The following CAND1 variants were observed in gnomAD, a reference collection of about 807,000 sequenced individuals.
CAND1 encodes the protein cullin-associated NEDD8-dissociated protein 1.
A neutral mutation model predicts 108.5 loss-of-function variants in CAND1; 7 were observed. The observed-to-expected ratio is 0.06, with a 90% confidence interval of 0.04 to 0.12. CAND1 has a LOEUF of 0.12. Among genes scored for constraint, CAND1 ranks in the 10% least tolerant of loss-of-function variants. CAND1 has a pLI of 1.00. For synonymous variants in CAND1, 534 were observed against 512.0 expected (o/e 1.04, Z -0.58); for missense variants, 941 against 1,448.7 (o/e 0.65, Z 5.69).
chr12:67,289,238 G>T (rs777795927), intron 2 of CAND1, among the ~76,000 whole-genome samples: 1 of 151,552 alleles, frequency 6.6e-6, no homozygotes, highest in Non-Finnish European at 1.5e-5. Context: ...ATTTGTTTGA[G>T]ATGGAGTTTT....
chr12:67,303,367 C>A (rs898448122), intron 8 of CAND1, among the ~76,000 whole-genome samples: 1 of 152,004 alleles, frequency 6.6e-6, no homozygotes, highest in Non-Finnish European at 1.5e-5. Context: ...TTAAGTAGTA[C>A]AAATAAATAC....
At chr12:67,272,917 G>A (rs1181418591) in intron 1 of CAND1, among the ~76,000 whole-genome samples, 2 of 151,998 alleles carry the variant, frequency 1.3e-5, no homozygotes, top group African/African-American at 2.4e-5. Context: ...GCATGGTCTC[G>A]ATCTTCTAAC....
intron 1 of CAND1, among the ~76,000 whole-genome samples, chr12:67,278,230 G>A (rs979349996): frequency 2.0e-5 from 3 of 152,016 alleles, no homozygotes; most frequent in Non-Finnish European, 2.9e-5. Flanking sequence ...TCCACTGCCC[G>A]GCTTCAAGCG....
At position 67,295,030 on chromosome 12, in the gene CAND1, C is replaced by T. The variant is rs1371833861; in HGVS notation, c.368-3C>T. On this transcript the variant is annotated splice_region_variant and splice_polypyrimidine_tract_variant and intron_variant, in intron 3 of 14. Coordinates refer to ENST00000545606, the MANE Select transcript of CAND1 (RefSeq NM_018448.5). ...AATTATTATTGGCTTCTTATTCATGCAGGCTCTGCATTAGCTGCTAATGTA... is the reference window on the plus strand; with the variant it reads ...AATTATTATTGGCTTCTTATTCATGTAGGCTCTGCATTAGCTGCTAATGTA... The T allele has an allele frequency of 6.2e-7, 1 of 1,607,912 alleles. No individual in the cohort carries two copies. The highest frequency in any genetic ancestry group is 1.7e-5 in the Admixed American group (1 of 59,282).
At chr12:67,302,831 T>A (rs578135974) in intron 8 of CAND1, among the ~76,000 whole-genome samples, 1 of 152,346 alleles carries the variant, frequency 6.6e-6, no homozygotes, top group Non-Finnish European at 1.5e-5. Flanking sequence ...TTAAATAATT[T>A]TAAGATTCAG....
chr12:67,285,360 A>G (rs1336710232), intron 2 of CAND1, among the ~76,000 whole-genome samples: 1 of 152,222 alleles, frequency 6.6e-6, no homozygotes, highest in Non-Finnish European at 1.5e-5. Context: ...TCTTCAGGTT[A>G]CTTTTATGCT....
chr12:67,305,475 A>C lies in CAND1; in HGVS notation c.1807A>C (p.Asn603His). ...MGQIICNLGD[N>H]LGSDLPNTLQ... ...ACAAATTATTTGCAACCTTGGAGAC[A>C]ATTTGGGTTCTGACTTGCCTAATAC... Residue 603 changes from asparagine to histidine, a missense_variant, in exon 10 of 15, where the codon AAT becomes CAT. Physicochemically the swap from Asn to His is moderately conservative, Grantham distance 68. Coordinates refer to ENST00000545606, the MANE Select transcript of CAND1 (RefSeq NM_018448.5). This position sits in a 1 kb window ranked among gnomAD's most constrained non-coding sequence, Gnocchi z 4.4. 6.2e-7 allele frequency: 1 copy of C among 1,613,742 alleles called. No homozygotes were observed. Among genetic ancestry groups the C allele is most frequent in the South Asian group, 1.1e-5 (1 of 91,078 alleles).
In CAND1 at chr12:67,312,810, G is replaced by A. The variant is rs1255063244; in HGVS notation, c.3673G>A (p.Glu1225Lys). ...GAAAGATTCATCATCTACTAACTTG[G>A]AATCAATGGACACTAGTTAGATGTT... ...IQKDSSSTNLESMDTS is the reference protein window; with the variant it reads ...IQKDSSSTNLKSMDTS The change falls in exon 15 of 15, where the codon GAA becomes AAA. Residue 1225 changes from glutamate to lysine, a missense_variant. This residue lies in a region of CAND1 where 39 missense variants were observed against 51.3 expected (regional missense o/e 0.76). Coordinates refer to ENST00000545606, the MANE Select transcript of CAND1 (RefSeq NM_018448.5). 1 of 1,610,180 alleles carries A rather than the reference G, an allele frequency of 6.2e-7. No individual in the cohort carries two copies. The highest frequency in any genetic ancestry group is 8.5e-7 in the Non-Finnish European group (1 of 1,177,302).
At chr12:67,281,854 CTT>C in intron 1 of CAND1, 54 bp from the exon 2 acceptor site, 1 of 1,270,308 alleles carries the variant, frequency 7.9e-7, no homozygotes, top group African/African-American at 1.5e-5. Flanking sequence ...AAATCATTAT[CTT>C]TTTAAATTAA....
Position 67,319,228 on chromosome 12 carries a change from A to C in CAND1, c.*6398A>C, listed in dbSNP as rs1235738381. 6.6e-6 allele frequency: 1 copy of C among 152,178 alleles called. No homozygotes were observed. Among genetic ancestry groups the C allele is most frequent in the Non-Finnish European group, 1.5e-5 (1 of 68,052 alleles). 9.4% of individuals were successfully genotyped at this position (152,178 alleles called of 1,614,324 possible). A position where few individuals can be genotyped will look rare whatever the true frequency, so the allele number is the denominator to read the frequency against. On this transcript the variant is annotated 3_prime_UTR_variant, in exon 15 of 15. Transcript: ENST00000545606. ...TCACTGTCTCTCTTTTGCCCATAGG[A>C]TAAGTACAAACTAGATCTGGTTACT...
At chr12:67,289,751 C>T (rs1393152841) in intron 2 of CAND1, among the ~76,000 whole-genome samples, 1 of 152,142 alleles carries the variant, frequency 6.6e-6, no homozygotes, top group African/African-American at 2.4e-5. Flanking sequence ...ATTTTATATT[C>T]GGTCTCTCCA....
intron 2 of CAND1, among the ~76,000 whole-genome samples, chr12:67,284,932 AAGTT>A (rs1177561357): frequency 1.3e-5 from 2 of 152,230 alleles, no homozygotes; most frequent in East Asian, 3.8e-4. Flanking sequence ...GGTAGGAAGA[AAGTT>A]AGAGGCATAA....
Position 67,306,179 on chromosome 12 carries a change from A to G in CAND1, c.2511A>G (p.Leu837=), listed in dbSNP as rs750797714. ...GGTCTACAGATTCCATTCGTCTCTT[A>G]GCTCTACTTTCTCTTGGAGAAGTTG... is the stretch of plus-strand genomic sequence containing the variant. ...NSRSTDSIRL[L]ALLSLGEVGH... The change falls in exon 10 of 15, where the codon TTA becomes TTG. Residue 837 remains leucine (L), a synonymous_variant. Transcript: ENST00000545606. 1.9e-6 allele frequency: 3 copies of G among 1,614,122 alleles called. No homozygotes were observed. Among genetic ancestry groups the G allele is most frequent in the Non-Finnish European group, 1.7e-6 (2 of 1,179,992 alleles).
intron 7 of CAND1, among the ~76,000 whole-genome samples, chr12:67,302,086 G>T (rs908290906): frequency 6.6e-6 from 1 of 152,084 alleles, no homozygotes; most frequent in African/African-American, 2.4e-5. Context: ...ATGAGAAAAT[G>T]TTTAACTAAT....
intron 1 of CAND1, among the ~76,000 whole-genome samples, chr12:67,280,488 T>C (rs1026473819): frequency 3.3e-5 from 5 of 152,228 alleles, no homozygotes; most frequent in African/African-American, 1.2e-4. Flanking sequence ...TTCTCTGTAG[T>C]GTACAAAATA....
In CAND1 at chr12:67,306,210, C is replaced by T. The variant is rs886954200; in HGVS notation, c.2542C>T (p.His848Tyr). ...ALLSLGEVGHHIDLSGQLELK... is the reference protein window; with the variant it reads ...ALLSLGEVGHYIDLSGQLELK... ...ACTTTCTCTTGGAGAAGTTGGGCATCATATTGACTTAAGTGGACAGTTGGA... is the reference window on the plus strand; with the variant it reads ...ACTTTCTCTTGGAGAAGTTGGGCATTATATTGACTTAAGTGGACAGTTGGA... The change falls in exon 10 of 15, where the codon CAT becomes TAT. Residue 848 changes from histidine to tyrosine, a missense_variant. His to Tyr is a moderately conservative substitution (Grantham distance 83). Transcript: ENST00000545606. 3 of 1,614,150 alleles carry T rather than the reference C, an allele frequency of 1.9e-6. No homozygotes were observed. Among genetic ancestry groups the T allele is most frequent in the Admixed American group, 3.3e-5 (2 of 60,024 alleles).
intron 2 of CAND1, among the ~76,000 whole-genome samples, chr12:67,284,076 A>G (rs1592607550): frequency 6.6e-6 from 1 of 152,162 alleles, no homozygotes; most frequent in South Asian, 2.1e-4. Context: ...AAAACTTTCC[A>G]TTTTTGGAAA....
intron 2 of CAND1, among the ~76,000 whole-genome samples, chr12:67,290,091 T>A (rs1565719956): frequency 6.6e-6 from 1 of 152,268 alleles, no homozygotes; most frequent in Non-Finnish European, 1.5e-5. Flanking sequence ...CCATCTGCCT[T>A]TTGTATAAAG....
intron 3 of CAND1, 101 bp from the exon 4 acceptor site, chr12:67,294,932 G>T (rs2044755024): frequency 1.6e-6 from 2 of 1,229,772 alleles, no homozygotes; most frequent in South Asian, 1.5e-5. Context: ...TGTGTCTCAT[G>T]ATCAAGTGTG....
Sources: allele counts gnomAD v4.1 joint callset (sites outside exome capture counted in the v4.1 genomes callset), GRCh38; gene constraint gnomAD v4.1.1; regional missense constraint gnomAD v4.1.1; non-coding constraint Gnocchi (gnomAD v3.1); transcripts MANE v1.5; gene names NCBI Gene and HGNC (gene_info 2026-07-23, HGNC 2026-07-21).